Variants in RARB observed in about 807,000 individuals in gnomAD.
The protein encoded by RARB is retinoic acid receptor beta, also known as HBV-activated protein.
Under a neutral mutation model 51.9 loss-of-function variants are expected in RARB, and 17 were observed. The ratio of observed to expected loss-of-function variants is 0.33; its 90% CI spans 0.22 to 0.49. The LOEUF (loss-of-function observed/expected upper bound fraction) is 0.49, where lower values mean the gene tolerates loss of function less well. Ranked by LOEUF, RARB falls within the 20% of genes least tolerant of loss-of-function variation. The pLI, the probability that RARB is intolerant of heterozygous loss-of-function variation, is 0.99. For synonymous variants in RARB, 215 were observed against 195.4 expected, an observed-to-expected ratio of 1.10 and a Z score of -0.84; for missense variants, 369 against 550.8, an observed-to-expected ratio of 0.67 and a Z score of 3.30.
intron 1 of RARB, among the ~76,000 whole-genome samples, chr3:24,834,459 G>A (rs1173153320): frequency 6.6e-6 from 1 of 152,090 alleles, no homozygotes; most frequent in Non-Finnish European, 1.5e-5. Flanking sequence ...AAAAATGAAA[G>A]CAAAATATTT....
rs753321842 is a variant in RARB, at chr3:25,500,454, G to GTTTTTTTTTTT, written c.307-711_307-701dup. 2.7e-3 allele frequency among the ~76,000 whole-genome samples: 181 copies of GTTTTTTTTTTT among 66,080 alleles called. 10 individuals carry two copies. The highest frequency in any genetic ancestry group is 0.014 in the East Asian group (23 of 1,606). 43.4% of individuals were successfully genotyped at this position (66,080 alleles called of 152,430 possible). A position where few individuals can be genotyped will look rare whatever the true frequency, so the allele number is the denominator to read the frequency against. Reference sequence around the variant, plus strand: ...ATAATTTCTTTTTCTTTCTTTTCTTGTTTTTTTTTTTTTTTTTTTTTTTTT... The same window carrying GTTTTTTTTTTT: ...ATAATTTCTTTTTCTTTCTTTTCTTGTTTTTTTTTTTTTTTTTTTTTTTTTTTTTTTTTTTT... On this transcript the variant is annotated intron_variant, in intron 2 of 7. Transcript: ENST00000330688.
chr3:24,995,619 T>C (rs939079434), intron 2 of RARB, among the ~76,000 whole-genome samples: 1 of 152,044 alleles, frequency 6.6e-6, no homozygotes, highest in African/African-American at 2.4e-5. Context: ...ATATATGGGC[T>C]TTATCATATT....
At chr3:25,366,211 T>A (rs1351630748) in intron 5 of RARB, among the ~76,000 whole-genome samples, 1 of 152,182 alleles carries the variant, frequency 6.6e-6, no homozygotes, top group African/African-American at 2.4e-5. Flanking sequence ...ATATTACAAA[T>A]GGGAAAGTGT....
chr3:24,881,733 C>T (rs1703170304), intron 2 of RARB, among the ~76,000 whole-genome samples: 1 of 152,124 alleles, frequency 6.6e-6, no homozygotes, highest in South Asian at 2.1e-4. Flanking sequence ...AATAAGAGCA[C>T]AATGATGGCT....
intron 4 of RARB, among the ~76,000 whole-genome samples, chr3:25,134,582 T>C (rs1247009409): frequency 6.6e-6 from 1 of 152,008 alleles, no homozygotes; most frequent in East Asian, 1.9e-4. Flanking sequence ...GATAACGTGA[T>C]ACTATCATAT....
intron 2 of RARB, among the ~76,000 whole-genome samples, chr3:25,050,752 C>T (rs999757983): frequency 1.3e-5 from 2 of 152,154 alleles, no homozygotes; most frequent in Non-Finnish European, 2.9e-5. Context: ...TTCTTCCTCC[C>T]CCATTCTCCA....
intron 2 of RARB, among the ~76,000 whole-genome samples, chr3:24,958,065 C>T (rs1355490652): frequency 1.3e-5 from 2 of 152,090 alleles, no homozygotes; most frequent in African/African-American, 2.4e-5. Context: ...AAAAATTTAA[C>T]ATCTGGCTCT....
At chr3:24,906,564 T>TG (rs1694868254) in intron 2 of RARB, among the ~76,000 whole-genome samples, 1 of 152,112 alleles carries the variant, frequency 6.6e-6, no homozygotes, top group Non-Finnish European at 1.5e-5. Context: ...CTACGCTGGC[T>TG]GGGAGTGGTG....
At chr3:24,883,250 A>G (rs1038004987) in intron 2 of RARB, among the ~76,000 whole-genome samples, 1 of 152,154 alleles carries the variant, frequency 6.6e-6, no homozygotes, top group Non-Finnish European at 1.5e-5. Flanking sequence ...TTTTAGAGTC[A>G]TTGATCTCTA....
At chr3:24,926,460 A>G (rs1232674789) in intron 2 of RARB, among the ~76,000 whole-genome samples, 1 of 152,118 alleles carries the variant, frequency 6.6e-6, no homozygotes, top group African/African-American at 2.4e-5. Flanking sequence ...ACCCGCAAAT[A>G]CATCTGAGTT....
chr3:25,541,832 T>C (rs1699396870), intron 3 of RARB, among the ~76,000 whole-genome samples: 1 of 152,170 alleles, frequency 6.6e-6, no homozygotes, highest in Non-Finnish European at 1.5e-5. Flanking sequence ...CTCCGGCCCC[T>C]TCCTCCACAG....
rs539852704 is a variant in RARB, at chr3:25,022,335, T to G, written c.-379-37790T>G. 1.6e-3 allele frequency among the ~76,000 whole-genome samples: 242 copies of G among 152,300 alleles called. 1 individual carries two copies. Among genetic ancestry groups the G allele is most frequent in the African/African-American group, 5.6e-3 (232 of 41,554 alleles). On this transcript the variant is annotated intron_variant, in intron 2 of 11. Transcript: ENST00000383772. ...TGTATATAAAATGAATCACATAGCT[T>G]GTGTTTTTTTGTGTGTTGACTTTCT...
chr3:25,151,685 A>G (rs549043165), intron 4 of RARB, among the ~76,000 whole-genome samples: 2 of 152,318 alleles, frequency 1.3e-5, no homozygotes, highest in South Asian at 4.1e-4. Context: ...GTTTCCGTCT[A>G]TTGTACCTTT....
At chr3:25,049,687 T>A (rs550442386) in intron 2 of RARB, among the ~76,000 whole-genome samples, 1 of 152,302 alleles carries the variant, frequency 6.6e-6, no homozygotes, top group East Asian at 1.9e-4. Flanking sequence ...AAAAATAAAA[T>A]TAAAAAATTA....
At chr3:25,205,193 C>T (rs775956548) in intron 5 of RARB, among the ~76,000 whole-genome samples, 34 of 152,240 alleles carry the variant, frequency 2.2e-4, no homozygotes, top group Admixed American at 3.9e-4. Context: ...TAGCAATGAG[C>T]GAGGCTCCAT....
At chr3:25,005,986 C>A (rs574281637) in intron 2 of RARB, among the ~76,000 whole-genome samples, 2 of 152,202 alleles carry the variant, frequency 1.3e-5, no homozygotes, top group African/African-American at 4.8e-5. Context: ...GCTTATTGTT[C>A]CTACAAGAGG....
rs184948764 is a variant in RARB at position 25,269,492 on chromosome 3, C to G, written c.178+94917C>G. 8.5e-5 allele frequency among the ~76,000 whole-genome samples: 13 copies of G among 152,208 alleles called. No homozygotes were observed. The East Asian group carries it at 1.7e-3, about 20-fold the overall frequency. On this transcript the variant is annotated intron_variant, in intron 5 of 11. Transcript: ENST00000383772. ...GGCAAGTTACTTTAGCTTGTTTATA[C>G]TTCAATTTCTTCGGCTGTTCAATGT...
chr3:25,309,541 A>G (rs1391057075), intron 5 of RARB, among the ~76,000 whole-genome samples: 2 of 115,126 alleles, frequency 1.7e-5, no homozygotes, highest in Admixed American at 1.3e-4. Flanking sequence ...CCTGTCGCCC[A>G]GGCTGGAGTG....
chr3:25,267,060 T>C (rs533890418), intron 5 of RARB, among the ~76,000 whole-genome samples: 1 of 152,234 alleles, frequency 6.6e-6, no homozygotes, highest in African/African-American at 2.4e-5. Context: ...TCTGACCCCT[T>C]CCCTGAAGCT....
Sources: allele counts gnomAD v4.1 joint callset (sites outside exome capture counted in the v4.1 genomes callset), GRCh38; gene constraint gnomAD v4.1.1; transcripts MANE v1.5; gene names NCBI Gene and HGNC (gene_info 2026-07-23, HGNC 2026-07-21).